The following DIAPH2 variants were observed in gnomAD, a reference collection of about 807,000 sequenced individuals.
DIAPH2 encodes the protein protein diaphanous homolog 2.
Under a neutral mutation model 92.7 loss-of-function variants are expected in DIAPH2, and 35 were observed. The ratio of observed to expected loss-of-function variants is 0.38; its 90% CI spans 0.29 to 0.50. The LOEUF (loss-of-function observed/expected upper bound fraction) is 0.50, where lower values mean the gene tolerates loss of function less well. Among genes scored for constraint, DIAPH2 ranks in the 20% least tolerant of loss-of-function variants. DIAPH2 has a pLI of 0.94. For synonymous variants in DIAPH2, 301 were observed against 280.4 expected (o/e 1.07, Z -0.73); for missense variants, 701 against 819.5 (o/e 0.86, Z 1.77).
At chrX:97,407,591 T>G (rs1356439118) in intron 25 of DIAPH2, among the ~76,000 whole-genome samples, 1 of 112,385 alleles carries the variant, frequency 8.9e-6, no homozygotes, top group African/African-American at 3.2e-5. Context: ...TTTGCCCTGC[T>G]TTCCTCTCTG....
At chrX:96,997,176 C>T (rs1407019109) in intron 17 of DIAPH2, among the ~76,000 whole-genome samples, 1 of 111,984 alleles carries the variant, frequency 8.9e-6, no homozygotes, top group Non-Finnish European at 1.9e-5. Flanking sequence ...TCAGTGATTA[C>T]TTGAATGGAA....
intron 17 of DIAPH2, among the ~76,000 whole-genome samples, chrX:96,972,776 A>G (rs2065935626): frequency 9.0e-6 from 1 of 111,432 alleles, no homozygotes; most frequent in South Asian, 3.8e-4. Context: ...TAGGGAAAGA[A>G]GGAAGGAAAG....
intron 17 of DIAPH2, among the ~76,000 whole-genome samples, chrX:96,993,177 A>G (rs950200566): frequency 3.6e-5 from 4 of 112,205 alleles, no homozygotes; most frequent in Admixed American, 1.9e-4. Context: ...ACTTCTTGTC[A>G]TAGGATTATT....
At chrX:96,779,174 C>G (rs2147623380) in intron 4 of DIAPH2, among the ~76,000 whole-genome samples, 1 of 111,795 alleles carries the variant, frequency 8.9e-6, no homozygotes, top group South Asian at 3.8e-4. Flanking sequence ...GTAGAACTTT[C>G]CCTTACCTCT....
chrX:97,071,836 T>C (rs771004382), intron 17 of DIAPH2, among the ~76,000 whole-genome samples: 8 of 111,600 alleles, frequency 7.2e-5, no homozygotes, highest in Non-Finnish European at 1.5e-4. Flanking sequence ...AAAGATTAGG[T>C]GAATTAAAAT....
chrX:97,422,541 G>C (rs1306301074), intron 25 of DIAPH2, among the ~76,000 whole-genome samples: 1 of 112,070 alleles, frequency 8.9e-6, no homozygotes, highest in East Asian at 2.8e-4. Flanking sequence ...TTGGTTCATA[G>C]CAACTTTTTT....
chrX:97,216,354 G>T (rs184308707), intron 22 of DIAPH2, among the ~76,000 whole-genome samples: 1 of 111,434 alleles, frequency 9.0e-6, no homozygotes, highest in Non-Finnish European at 1.9e-5. Flanking sequence ...GCCCAGGCTG[G>T]AGTACAGTGG....
intron 26 of DIAPH2, among the ~76,000 whole-genome samples, chrX:97,576,194 C>A (rs1486589565): frequency 9.0e-6 from 1 of 111,225 alleles, no homozygotes; most frequent in Non-Finnish European, 1.9e-5. Flanking sequence ...AGAAAATGAT[C>A]TGAGGGTGGA....
intron 26 of DIAPH2, among the ~76,000 whole-genome samples, chrX:97,569,594 G>A (rs954049520): frequency 6.3e-5 from 7 of 110,983 alleles, no homozygotes; most frequent in Admixed American, 1.9e-4. Flanking sequence ...CCATCAAAAT[G>A]CAGATTATAG....
intron 24 of DIAPH2, among the ~76,000 whole-genome samples, chrX:97,368,552 A>G (rs1275976113): frequency 4.5e-5 from 5 of 111,667 alleles, no homozygotes; most frequent in African/African-American, 1.6e-4. Flanking sequence ...AAGTGAGCAC[A>G]TTGCCAGTGC....
At chrX:97,232,107 G>A (rs2068013743) in intron 22 of DIAPH2, among the ~76,000 whole-genome samples, 1 of 110,835 alleles carries the variant, frequency 9.0e-6, no homozygotes, top group Non-Finnish European at 1.9e-5. Flanking sequence ...ACATATGACA[G>A]TGTAGCTACC....
At chrX:96,848,513 A>G (rs997065814) in intron 4 of DIAPH2, among the ~76,000 whole-genome samples, 1 of 112,252 alleles carries the variant, frequency 8.9e-6, no homozygotes, top group Non-Finnish European at 1.9e-5. Flanking sequence ...TACTAATTTA[A>G]GCTATTTGAC....
chrX:97,124,540 C>A (rs2067078543), intron 21 of DIAPH2, among the ~76,000 whole-genome samples: 1 of 112,267 alleles, frequency 8.9e-6, no homozygotes. Context: ...TTGTTAAATT[C>A]TCTAGAGAAC....
At chrX:97,192,102 C>T (rs979447180) in intron 22 of DIAPH2, among the ~76,000 whole-genome samples, 3 of 109,963 alleles carry the variant, frequency 2.7e-5, no homozygotes, top group Non-Finnish European at 5.7e-5. Context: ...CTAGCCTGGC[C>T]AACATAGTGA....
intron 1 of DIAPH2, among the ~76,000 whole-genome samples, chrX:96,690,967 T>TG (rs2063795239): frequency 8.9e-6 from 1 of 111,912 alleles, no homozygotes; most frequent in African/African-American, 3.2e-5. Context: ...ACTCTGAAGG[T>TG]GAAAAAGTTA....
intron 24 of DIAPH2, among the ~76,000 whole-genome samples, chrX:97,374,750 G>T (rs901906390): frequency 3.6e-5 from 4 of 111,964 alleles, no homozygotes; most frequent in African/African-American, 1.3e-4. Flanking sequence ...ATGTTGTTGG[G>T]TGTTAATTAA....
intron 1 of DIAPH2, among the ~76,000 whole-genome samples, chrX:96,711,506 C>T (rs893789375): frequency 3.6e-5 from 4 of 111,559 alleles, no homozygotes; most frequent in Admixed American, 1.9e-4. Flanking sequence ...ATGTCCTTTG[C>T]CCACTTTTTG....
chrX:97,086,041 G>A (rs1166881839), intron 19 of DIAPH2, among the ~76,000 whole-genome samples: 1 of 111,473 alleles, frequency 9.0e-6, no homozygotes, highest in African/African-American at 3.3e-5. Flanking sequence ...AAGCATATGG[G>A]TGAAAGCCAA....
intron 12 of DIAPH2, among the ~76,000 whole-genome samples, chrX:96,941,230 G>A (rs1456869113): frequency 5.4e-5 from 6 of 111,500 alleles, no homozygotes; most frequent in Admixed American, 9.5e-5. Context: ...GTCTATAGTC[G>A]TACTTCTTAC....
Sources: gnomAD v4.1 joint callset for allele counts (sites outside exome capture counted in the v4.1 genomes callset) on GRCh38, gnomAD v4.1.1 for gene constraint, MANE v1.5 for transcripts, NCBI Gene and HGNC (gene_info 2026-07-23, HGNC 2026-07-21) for gene names.